Variants in ARHGEF10L observed in about 807,000 individuals in gnomAD.
ARHGEF10L encodes the protein Rho guanine nucleotide exchange factor 10 like, also known as rho guanine nucleotide exchange factor 10-like protein.
ARHGEF10L carries 69 observed loss-of-function variants against 141.2 expected under a neutral mutation model. That is an observed-to-expected ratio of 0.49 (90% CI 0.40 to 0.60). The LOEUF is 0.60. Among genes scored for constraint, ARHGEF10L ranks in the 20% least tolerant of loss-of-function variants. The probability of loss-of-function intolerance (pLI) is 0.00; values close to 1 mark genes in which losing one functional copy is unlikely to be tolerated. For synonymous variants in ARHGEF10L, 711 were observed against 718.5 expected (o/e 0.99, Z 0.17); for missense variants, 1,482 against 1,734.3 (o/e 0.85, Z 2.58).
chr1:17,536,283 C>T (rs147766015), upstream of ARHGEF10L, among the ~76,000 whole-genome samples: 1 of 152,250 alleles, frequency 6.6e-6, no homozygotes, highest in Non-Finnish European at 1.5e-5. Flanking sequence ...AGTTCAAGAC[C>T]AGCCTGGGCA....
intron 4 of ARHGEF10L, among the ~76,000 whole-genome samples, chr1:17,593,875 T>A (rs1435089824): frequency 6.6e-6 from 1 of 151,498 alleles, no homozygotes; most frequent in African/African-American, 2.4e-5. Context: ...GAGCGTCACT[T>A]GTCTGTGGGG....
chr1:17,592,097 G>C (rs2079593847), intron 4 of ARHGEF10L, among the ~76,000 whole-genome samples: 1 of 152,096 alleles, frequency 6.6e-6, no homozygotes, highest in African/African-American at 2.4e-5. Flanking sequence ...GCTCTCGCTG[G>C]GGGAGTCGTG....
chr1:17,623,928 C>T lies in ARHGEF10L; in HGVS notation c.1201-459C>T, dbSNP rs1040622497. Among the ~76,000 whole-genome samples the T allele has an allele frequency of 1.3e-5, 2 of 152,188 alleles. No individual in the cohort carries two copies. Among genetic ancestry groups the T allele is most frequent in the Non-Finnish European group, 2.9e-5 (2 of 68,038 alleles). On this transcript the variant is annotated intron_variant, in intron 12 of 28. Coordinates refer to ENST00000361221, the MANE Select transcript of ARHGEF10L (RefSeq NM_018125.4). This position sits in a 1 kb window ranked among gnomAD's most constrained non-coding sequence, Gnocchi z 4.7. ...GAGAGAGAGTTGATTGACTCCAGGC[C>T]GACCATCCCTCCCTTGGTAACTCAA...
intron 26 of ARHGEF10L, among the ~76,000 whole-genome samples, chr1:17,683,149 G>A (rs2064263295): frequency 6.8e-6 from 1 of 146,078 alleles, no homozygotes; most frequent in Non-Finnish European, 1.5e-5. Flanking sequence ...TCACCGCGGT[G>A]CTCACTGCCC....
In ARHGEF10L at chr1:17,619,328, T is replaced by G; in HGVS notation, c.836-11T>G. The G allele has an allele frequency of 5.0e-6, 8 of 1,612,658 alleles. No individual in the cohort carries two copies. Among genetic ancestry groups the G allele is most frequent in the Non-Finnish European group, 6.8e-6 (8 of 1,179,504 alleles). ...GCCTTAGCTGTGTCATCGGCCCATC[T>G]GACTTTCCAGGTGACTCGGAGGAGG... is the stretch of plus-strand genomic sequence containing the variant. On this transcript the variant is annotated splice_polypyrimidine_tract_variant and intron_variant, in intron 9 of 28. Coordinates refer to ENST00000361221, the MANE Select transcript of ARHGEF10L (RefSeq NM_018125.4). The surrounding 1 kb of genome is among the most constrained non-coding windows in gnomAD (Gnocchi z 5.0).
upstream of ARHGEF10L, among the ~76,000 whole-genome samples, chr1:17,535,905 G>C (rs954432827): frequency 1.3e-5 from 2 of 152,200 alleles, no homozygotes; most frequent in African/African-American, 4.8e-5. Context: ...ACAGAGTCCA[G>C]CCTCCGTGGA....
At chr1:17,657,023 A>G (rs1322522817) in intron 25 of ARHGEF10L, among the ~76,000 whole-genome samples, 2 of 152,160 alleles carry the variant, frequency 1.3e-5, no homozygotes, top group African/African-American at 2.4e-5. Flanking sequence ...TGACAGCTGT[A>G]TCCCTTGTTG....
At chr1:17,633,802 G>T (rs933078959) in intron 16 of ARHGEF10L, among the ~76,000 whole-genome samples, 1 of 152,234 alleles carries the variant, frequency 6.6e-6, no homozygotes, top group Non-Finnish European at 1.5e-5. Flanking sequence ...TACCGAGTCA[G>T]CTTGGGCCTT....
At chr1:17,608,088 G>T (rs2081342704) in intron 7 of ARHGEF10L, 111 bp downstream of exon 7, 2 of 1,148,108 alleles carry the variant, frequency 1.7e-6, no homozygotes, top group South Asian at 2.8e-5. Context: ...CTCACGTCTG[G>T]GTCCCAGGGA....
the ARHGEF10L span, among the ~76,000 whole-genome samples, chr1:17,531,333 C>G: frequency 6.6e-6 from 1 of 152,216 alleles, no homozygotes; most frequent in East Asian, 1.9e-4. Context: ...TGCTGACCCA[C>G]TAGGTGGGTC....
chr1:17,654,520 C>T lies in ARHGEF10L; in HGVS notation c.2395-116C>T. ...CGTGAAGCATGTTGCTTTCCTGGCC[C>T]CCACCCACAGGGATTCTAATCCAGG... is the stretch of plus-strand genomic sequence containing the variant. On this transcript the variant is annotated intron_variant, in intron 22 of 28. Transcript: ENST00000361221. This position sits in a 1 kb window ranked among gnomAD's most constrained non-coding sequence, Gnocchi z 4.3. 11 of 898,290 alleles carry T rather than the reference C, an allele frequency of 1.2e-5. No homozygotes were observed. The highest frequency in any genetic ancestry group is 1.2e-4 in the South Asian group (9 of 76,052). The allele number at this position is 898,290 out of a possible 1,614,324, so 55.6% of individuals were successfully genotyped here.
At chr1:17,618,347 G>A in intron 9 of ARHGEF10L, 1 of 1,538,518 alleles carries the variant, frequency 6.5e-7, no homozygotes, top group Non-Finnish European at 8.8e-7. Flanking sequence ...CGAATCACAG[G>A]CCAAGAATGT....
chr1:17,578,310 G>A (rs1305716789), intron 1 of ARHGEF10L, among the ~76,000 whole-genome samples: 1 of 152,176 alleles, frequency 6.6e-6, no homozygotes, highest in Non-Finnish European at 1.5e-5. Context: ...TGAAGTAAAA[G>A]TTTAGTCCTG....
intron 16 of ARHGEF10L, 83 bp from the exon 17 acceptor site, chr1:17,634,465 T>C: frequency 6.2e-7 from 1 of 1,608,998 alleles, no homozygotes; most frequent in Admixed American, 1.7e-5. Context: ...GCCCCATGGC[T>C]GGCCCCCAGC....
At chr1:17,651,063 C>G (rs558791707) in intron 22 of ARHGEF10L, among the ~76,000 whole-genome samples, 13 of 152,260 alleles carry the variant, frequency 8.5e-5, no homozygotes, top group African/African-American at 3.1e-4. Context: ...GAAGTTTTGT[C>G]TGTATTTAAA....
chr1:17,534,208 C>T, the ARHGEF10L span, among the ~76,000 whole-genome samples: 41 of 151,688 alleles, frequency 2.7e-4, no homozygotes, highest in Non-Finnish European at 5.0e-4. Context: ...CTGCAAGCTC[C>T]GCCTCCTGGG....
intron 4 of ARHGEF10L, among the ~76,000 whole-genome samples, chr1:17,590,744 T>C (rs2079460796): frequency 6.6e-6 from 1 of 152,066 alleles, no homozygotes; most frequent in African/African-American, 2.4e-5. Flanking sequence ...CCCAGCACTT[T>C]GGGAAGTCAA....
rs2060215628 is a variant in ARHGEF10L at position 17,623,467 on chromosome 1, CACCTGGCCGG to C, written c.1200+293_1200+302del. ...TGGCCTCCCAGTCACTGTGGGCAGCCACCTGGCCGGTCACAAGCTCTCTTACCGAGCACTT... is the reference window on the plus strand; with the variant it reads ...TGGCCTCCCAGTCACTGTGGGCAGCCTCACAAGCTCTCTTACCGAGCACTT... On this transcript the variant is annotated intron_variant, in intron 12 of 28. Transcript: ENST00000361221. This position sits in a 1 kb window ranked among gnomAD's most constrained non-coding sequence, Gnocchi z 4.7. 6.6e-6 allele frequency among the ~76,000 whole-genome samples: 1 copy of C among 152,160 alleles called. No homozygotes were observed. Among genetic ancestry groups the C allele is most frequent in the Non-Finnish European group, 1.5e-5 (1 of 68,034 alleles).
At chr1:17,633,586 A>G (rs1021617095) in intron 16 of ARHGEF10L, among the ~76,000 whole-genome samples, 27 of 152,260 alleles carry the variant, frequency 1.8e-4, no homozygotes, top group Admixed American at 1.2e-3. Flanking sequence ...TCCTGACCTC[A>G]GGTGATCGGC....
Sources: gnomAD v4.1 joint callset for allele counts (sites outside exome capture counted in the v4.1 genomes callset) on GRCh38, gnomAD v4.1.1 for gene constraint, Gnocchi (gnomAD v3.1) non-coding constraint, MANE v1.5 for transcripts, NCBI Gene and HGNC (gene_info 2026-07-23, HGNC 2026-07-21) for gene names.